STAU2: variants seen among roughly 807,000 people sequenced by gnomAD.
STAU2 encodes staufen double-stranded RNA binding protein 2.
In STAU2, 20 loss-of-function variants were observed where a neutral mutation model predicts 65.9. The observed-to-expected ratio is 0.30, with a 90% CI of 0.21 to 0.44. STAU2 has a LOEUF of 0.44. STAU2 is among the 20% of genes least tolerant of loss of function. The pLI is 1.00. For synonymous variants in STAU2, 232 were observed against 233.9 expected (o/e 0.99, Z 0.07); for missense variants, 558 against 683.9 (o/e 0.82, Z 2.05).
chr8:73,504,885 T>A (rs1169576550), intron 13 of STAU2, among the ~76,000 whole-genome samples: 1 of 152,164 alleles, frequency 6.6e-6, no homozygotes. Context: ...TAAAACTTTT[T>A]TGTATACATC....
chr8:73,688,853 T>G lies in STAU2; in HGVS notation c.115-40A>C. On this transcript the variant is annotated intron_variant, in intron 4 of 14. Coordinates refer to ENST00000524300, the MANE Select transcript of STAU2 (RefSeq NM_001164380.2). ...AATAGACAAAGAAAACATTAAGACT[T>G]TTCCAAGAAATAAAATTGGCTGTCT... 1.9e-6 allele frequency: 3 copies of G among 1,589,800 alleles called. No homozygotes were observed. In the South Asian group the frequency reaches 3.4e-5, roughly 18 times the overall value.
At chr8:73,489,314 TA>T (rs1358983289) in intron 13 of STAU2, among the ~76,000 whole-genome samples, 1 of 151,984 alleles carries the variant, frequency 6.6e-6, no homozygotes, top group Non-Finnish European at 1.5e-5. Context: ...TTCCCTCATT[TA>T]AAAATGCTCT....
At chr8:73,545,745 T>G (rs1806870758) in intron 13 of STAU2, among the ~76,000 whole-genome samples, 1 of 151,876 alleles carries the variant, frequency 6.6e-6, no homozygotes, top group African/African-American at 2.4e-5. Flanking sequence ...CCTCTTGGGT[T>G]CACACCATTC....
At chr8:73,435,569 G>A (rs1381397951) in intron 13 of STAU2, among the ~76,000 whole-genome samples, 5 of 151,870 alleles carry the variant, frequency 3.3e-5, no homozygotes, top group South Asian at 2.1e-4. Flanking sequence ...TGGGCTCTGC[G>A]GCCAAAATGC....
intron 4 of STAU2, 36 bp downstream of exon 4, chr8:73,708,996 A>G (rs771082647): frequency 2.6e-5 from 38 of 1,463,720 alleles, no homozygotes; most frequent in Middle Eastern, 2.4e-4. Flanking sequence ...TGTTAGTCTG[A>G]TAAGTATGTC....
At chr8:73,469,201 A>G (rs982505879) in intron 13 of STAU2, among the ~76,000 whole-genome samples, 4 of 152,150 alleles carry the variant, frequency 2.6e-5, no homozygotes, top group African/African-American at 7.2e-5. Flanking sequence ...AAACTATCAC[A>G]AGGACAAAAA....
At chr8:73,654,433 T>C (rs1039998492) in intron 6 of STAU2, among the ~76,000 whole-genome samples, 1 of 151,542 alleles carries the variant, frequency 6.6e-6, no homozygotes, top group African/African-American at 2.4e-5. Flanking sequence ...GGGAGGATTG[T>C]TTGAGCCCAG....
At chr8:73,734,925 C>G (rs981077118) in intron 3 of STAU2, among the ~76,000 whole-genome samples, 5 of 152,082 alleles carry the variant, frequency 3.3e-5, no homozygotes, top group African/African-American at 7.2e-5. Context: ...CTCTTTCAAG[C>G]TGAGAATCAA....
chr8:73,510,919 C>A (rs1202008653), intron 13 of STAU2, among the ~76,000 whole-genome samples: 1 of 152,220 alleles, frequency 6.6e-6, no homozygotes, highest in Non-Finnish European at 1.5e-5. Flanking sequence ...CTCTTCAAAT[C>A]TATTTGTAAA....
At chr8:73,638,865 A>G (rs1377821642) in intron 6 of STAU2, among the ~76,000 whole-genome samples, 2 of 151,824 alleles carry the variant, frequency 1.3e-5, no homozygotes, top group Non-Finnish European at 2.9e-5. Flanking sequence ...GTAGTAAAAA[A>G]TTGATTTAAA....
intron 13 of STAU2, among the ~76,000 whole-genome samples, chr8:73,548,021 T>G (rs948843767): frequency 3.9e-5 from 6 of 152,056 alleles, no homozygotes; most frequent in African/African-American, 1.4e-4. Flanking sequence ...GGAGGATGTG[T>G]GTAGGTTATA....
At chr8:73,477,738 G>C (rs2128908705) in intron 13 of STAU2, among the ~76,000 whole-genome samples, 1 of 152,288 alleles carries the variant, frequency 6.6e-6, no homozygotes, top group East Asian at 1.9e-4. Context: ...TTTAGCTGAG[G>C]AAGGTGTCCA....
At chr8:73,569,356 C>T (rs977445787) in intron 12 of STAU2, among the ~76,000 whole-genome samples, 128 of 152,224 alleles carry the variant, frequency 8.4e-4, no homozygotes, top group African/African-American at 1.7e-3. Flanking sequence ...GAGGCCTGCC[C>T]GCCTCTGTAG....
upstream of STAU2, chr8:73,747,205 C>G: frequency 1.5e-6 from 1 of 654,512 alleles, no homozygotes; most frequent in Non-Finnish European, 2.4e-6. Context: ...CGAGCGACTG[C>G]GCAAGGAGCG....
In STAU2 at chr8:73,663,808, C is replaced by T. The variant is rs79860956; in HGVS notation, c.410+9299G>A. On this transcript the variant is annotated intron_variant, in intron 6 of 14. Coordinates refer to ENST00000524300, the MANE Select transcript of STAU2 (RefSeq NM_001164380.2). ...AAATTTATCTCTGAATATGTTTTCA[C>T]GCTATTTAATTCCCCAACTGCTCAT... Among the ~76,000 whole-genome samples, 254 of 152,208 alleles carry T rather than the reference C, an allele frequency of 1.7e-3. 2 individuals carry two copies. The highest frequency in any genetic ancestry group is 5.8e-3 in the African/African-American group (239 of 41,550).
intron 13 of STAU2, chr8:73,551,724 A>G: frequency 9.4e-7 from 1 of 1,066,444 alleles, no homozygotes; most frequent in Middle Eastern, 2.5e-4. Context: ...GATGCACCTA[A>G]TCAAGACCAA....
intron 6 of STAU2, among the ~76,000 whole-genome samples, chr8:73,659,720 T>G (rs569734189): frequency 6.6e-6 from 1 of 152,292 alleles, no homozygotes; most frequent in South Asian, 2.1e-4. Flanking sequence ...AGCAACAGAT[T>G]AATAAAACTA....
chr8:73,474,561 A>T (rs1820214229), intron 13 of STAU2, among the ~76,000 whole-genome samples: 2 of 22,108 alleles, frequency 9.0e-5, no homozygotes, highest in Admixed American at 4.4e-4. Flanking sequence ...GAGCATTGTT[A>T]TGGTTGGGTG....
rs1164150368 is a variant in STAU2 at position 73,614,057 on chromosome 8, C to T, written c.679-101G>A. On this transcript the variant is annotated intron_variant, in intron 8 of 14. Transcript: ENST00000524300. ...TATCAAAACCAAAATTAGTATTATG[C>T]CAAAATTATAGTATTTCTTTAAGAA... 16 of 809,898 alleles carry T rather than the reference C, an allele frequency of 2.0e-5. No homozygotes were observed. The Admixed American group carries it at 4.8e-4, about 24-fold the overall frequency. 50.2% of individuals were successfully genotyped at this position (809,898 alleles called of 1,614,324 possible).
Sources: allele counts gnomAD v4.1 joint callset (sites outside exome capture counted in the v4.1 genomes callset), GRCh38; gene constraint gnomAD v4.1.1; transcripts MANE v1.5; gene names NCBI Gene and HGNC (gene_info 2026-07-23, HGNC 2026-07-21).